The following LSM4 variants were observed in gnomAD, a reference collection of about 807,000 sequenced individuals.
The protein encoded by LSM4 is LSM4 homolog, U6 small nuclear RNA and mRNA degradation associated, also known as U6 snRNA-associated Sm-like protein LSm4.
A neutral mutation model predicts 22.3 loss-of-function variants in LSM4; 15 were observed. The ratio of observed to expected loss-of-function variants is 0.67; its 90% CI spans 0.45 to 1.03. The LOEUF is 1.03. Among genes scored for constraint, LSM4 ranks in the 50% least tolerant of loss-of-function variants. LSM4 has a pLI of 0.00. For synonymous variants in LSM4, 90 were observed against 79.8 expected (o/e 1.13, Z -0.68); for missense variants, 127 against 198.0 (o/e 0.64, Z 2.15).
At chr19:18,317,903 G>A (rs781354811) in intron 1 of LSM4, among the ~76,000 whole-genome samples, 2 of 152,052 alleles carry the variant, frequency 1.3e-5, no homozygotes, top group Non-Finnish European at 2.9e-5. Context: ...TTACTGGGGG[G>A]GAAATCAACA....
rs1470266868 is a variant in LSM4, at chr19:18,306,993, TTCGAAGGCTTTCAAC to T, written c.*456_*470del. Reference sequence around the variant, plus strand: ...AGGGCCCGAGGCATCCCCTGCACGGTTCGAAGGCTTTCAACCGTCCCGGGTTTGTTTTGAAGGCAA... The same window carrying T: ...AGGGCCCGAGGCATCCCCTGCACGGTCGTCCCGGGTTTGTTTTGAAGGCAA... On this transcript the variant is annotated 3_prime_UTR_variant, in exon 5 of 5. Coordinates refer to ENST00000593829, the MANE Select transcript of LSM4 (RefSeq NM_012321.5). The T allele has an allele frequency of 3.8e-5, 6 of 156,168 alleles. No individual in the cohort carries two copies. Among genetic ancestry groups the T allele is most frequent in the African/African-American group, 1.4e-4 (6 of 41,642 alleles). 9.7% of individuals were successfully genotyped at this position (156,168 alleles called of 1,614,324 possible).
At chr19:18,321,338 G>C (rs920300694) in intron 1 of LSM4, among the ~76,000 whole-genome samples, 1 of 152,224 alleles carries the variant, frequency 6.6e-6, no homozygotes, top group Admixed American at 6.5e-5. Flanking sequence ...AGAGGGACAG[G>C]CTCTCTGAAT....
chr19:18,321,957 G>C (rs186343135), intron 1 of LSM4, among the ~76,000 whole-genome samples: 1 of 152,124 alleles, frequency 6.6e-6, no homozygotes, highest in Non-Finnish European at 1.5e-5. Context: ...AATGCTCAGC[G>C]GAGACTGATT....
At chr19:18,312,412 A>G in intron 3 of LSM4, 192 bp downstream of exon 3, 1 of 541,762 alleles carries the variant, frequency 1.8e-6, no homozygotes, top group East Asian at 3.3e-5. Flanking sequence ...CCACAGGGTC[A>G]AAGTCCAGGG....
At chr19:18,312,796 C>T in intron 2 of LSM4, 94 bp from the exon 3 acceptor site, 1 of 920,296 alleles carries the variant, frequency 1.1e-6, no homozygotes, top group Non-Finnish European at 1.8e-6. Flanking sequence ...GATGGACCAC[C>T]ACCTCCGGGC....
chr19:18,320,967 T>C (rs1157580357), intron 1 of LSM4, among the ~76,000 whole-genome samples: 1 of 152,200 alleles, frequency 6.6e-6, no homozygotes, highest in Non-Finnish European at 1.5e-5. Context: ...CACGAGGACC[T>C]AAACCCAGTG....
At chr19:18,319,772 C>T (rs1011364782) in intron 1 of LSM4, among the ~76,000 whole-genome samples, 1 of 152,170 alleles carries the variant, frequency 6.6e-6, no homozygotes, top group Non-Finnish European at 1.5e-5. Flanking sequence ...TTTGGCCAGG[C>T]CCTTTTAATG....
At chr19:18,313,182 T>C (rs555022417) in intron 2 of LSM4, among the ~76,000 whole-genome samples, 24 of 151,410 alleles carry the variant, frequency 1.6e-4, no homozygotes, top group African/African-American at 5.1e-4. Context: ...TAGGGGGAGG[T>C]TGCAGTGAGC....
At chr19:18,322,916 C>G (rs1051181415) in intron 1 of LSM4, 102 bp downstream of exon 1, 16 of 1,512,672 alleles carry the variant, frequency 1.1e-5, no homozygotes, top group African/African-American at 9.8e-5. Flanking sequence ...TCGGACCTTA[C>G]GTTCGCCCCG....
Position 18,312,668 on chromosome 19 carries a change from C to G in LSM4, c.80G>C (p.Gly27Ala). 1 of 1,613,758 alleles carries G rather than the reference C, an allele frequency of 6.2e-7. No homozygotes were observed. Among genetic ancestry groups the G allele is most frequent in the Non-Finnish European group, 8.5e-7 (1 of 1,179,814 alleles). ...VELKNGETYNGHLVSCDNWMN... is the reference protein window; with the variant it reads ...VELKNGETYNAHLVSCDNWMN... ...CCAGTTGTCGCAGCTCACCAGGTGT[C>G]CATTGTACGTCTCCCCATTTTTCAG... Residue 27 changes from glycine to alanine, a missense_variant, in exon 3 of 5, where the codon GGA becomes GCA. Coordinates refer to ENST00000593829, the MANE Select transcript of LSM4 (RefSeq NM_012321.5).
intron 1 of LSM4, among the ~76,000 whole-genome samples, chr19:18,318,177 A>G (rs562939501): frequency 4.6e-5 from 7 of 152,178 alleles, no homozygotes; most frequent in Non-Finnish European, 1.0e-4. Flanking sequence ...CCTAATCCAC[A>G]GTGTGGCTGC....
intron 4 of LSM4, among the ~76,000 whole-genome samples, chr19:18,308,992 C>A (rs1457030165): frequency 6.6e-6 from 1 of 152,198 alleles, no homozygotes; most frequent in Non-Finnish European, 1.5e-5. Flanking sequence ...TGGGAAGGAG[C>A]CAGGCCGGGG....
chr19:18,318,794 A>G (rs1568299822), intron 1 of LSM4, among the ~76,000 whole-genome samples: 1 of 152,254 alleles, frequency 6.6e-6, no homozygotes, highest in Non-Finnish European at 1.5e-5. Flanking sequence ...AGAGGCAGGT[A>G]GCTTGTAGAC....
chr19:18,313,515 A>G (rs533295099), intron 2 of LSM4, among the ~76,000 whole-genome samples: 1 of 152,240 alleles, frequency 6.6e-6, no homozygotes, highest in East Asian at 1.9e-4. Flanking sequence ...GAAAAGACTG[A>G]TATTTTTTGG....
In LSM4 at chr19:18,307,205, AAC is replaced by A. The variant is rs986185280; in HGVS notation, c.*257_*258del. The A allele has an allele frequency of 8.7e-5, 34 of 392,560 alleles. No homozygotes were observed. The highest frequency in any genetic ancestry group is 5.6e-4 in the African/African-American group (27 of 48,298). The allele number at this position is 392,560 out of a possible 1,614,324, so 24.3% of individuals were successfully genotyped here. ...GAGCGAGGGCTTGAAAGATGCCTTCAACACAGACTCTTCTAGGAATCCAGCCA... is the reference window on the plus strand; with the variant it reads ...GAGCGAGGGCTTGAAAGATGCCTTCAACAGACTCTTCTAGGAATCCAGCCA... On this transcript the variant is annotated 3_prime_UTR_variant, in exon 5 of 5. Coordinates refer to ENST00000593829, the MANE Select transcript of LSM4 (RefSeq NM_012321.5).
chr19:18,307,790 G>C (rs112154325), intron 4 of LSM4, among the ~76,000 whole-genome samples: 104 of 49,392 alleles, frequency 2.1e-3, no homozygotes, highest in African/African-American at 4.7e-3. Flanking sequence ...GGGATGCGGG[G>C]GGGGGGGACT....
chr19:18,309,495 G>C (rs1970272390), intron 4 of LSM4, 183 bp downstream of exon 4: 2 of 609,568 alleles, frequency 3.3e-6, no homozygotes, highest in Non-Finnish European at 5.6e-6. Flanking sequence ...TGAGAGGAGG[G>C]CTGAGTCCCA....
intron 1 of LSM4, among the ~76,000 whole-genome samples, chr19:18,316,506 C>G (rs1208603301): frequency 6.6e-6 from 1 of 152,076 alleles, no homozygotes; most frequent in Non-Finnish European, 1.5e-5. Flanking sequence ...CGTCACCACA[C>G]CCAGCAAATT....
At chr19:18,312,130 TC>T (rs1425722337) in intron 3 of LSM4, 1 of 160,494 alleles carries the variant, frequency 6.2e-6, no homozygotes, top group African/African-American at 2.4e-5. Context: ...GCCAGGCACT[TC>T]CGGTCTTGGG....
Sources: allele counts gnomAD v4.1 joint callset (sites outside exome capture counted in the v4.1 genomes callset), GRCh38; gene constraint gnomAD v4.1.1; transcripts MANE v1.5; gene names NCBI Gene and HGNC (gene_info 2026-07-23, HGNC 2026-07-21).